The following DIP2B variants were observed in gnomAD, a reference collection of about 807,000 sequenced individuals.
The protein encoded by DIP2B is disco-interacting protein 2 homolog B.
DIP2B carries 76 observed loss-of-function variants against 198.0 expected under a neutral mutation model. That is an observed-to-expected ratio of 0.38 (90% CI 0.32 to 0.46). The LOEUF (loss-of-function observed/expected upper bound fraction) is 0.46, where lower values mean the gene tolerates loss of function less well. DIP2B is among the 20% of genes least tolerant of loss of function. The pLI is 0.99. For missense variants in DIP2B, 1,559 were observed against 1,978.4 expected (o/e 0.79, Z 4.02); for synonymous variants, 701 against 739.1 (o/e 0.95, Z 0.84).
At chr12:50,601,595 C>T (rs974644170) in intron 1 of DIP2B, among the ~76,000 whole-genome samples, 4 of 152,132 alleles carry the variant, frequency 2.6e-5, no homozygotes, top group South Asian at 2.1e-4. Flanking sequence ...ACCTCGGCCT[C>T]CCAAAGTACT....
chr12:50,744,920 G>T lies in DIP2B; in HGVS notation c.*81G>T, dbSNP rs561803173. ...CTCTGGCTAAGAGCAGGCTTCAAAC[G>T]ATGTGAAATAAGCTGAGATGGCTAC... On this transcript the variant is annotated 3_prime_UTR_variant, in exon 38 of 38. Coordinates refer to ENST00000301180, the MANE Select transcript of DIP2B (RefSeq NM_173602.3). 8.6e-6 allele frequency: 13 copies of T among 1,516,458 alleles called. 1 individual carries two copies. The South Asian group carries it at 1.6e-4, about 19-fold the overall frequency. The allele number at this position is 1,516,458 out of a possible 1,614,324, so 93.9% of individuals were successfully genotyped here.
Position 50,660,311 on chromosome 12 carries a change from C to T in DIP2B, c.419C>T (p.Thr140Ile), listed in dbSNP as rs1342874356. The T allele has an allele frequency of 4.4e-6, 7 of 1,608,014 alleles. No homozygotes were observed. Among genetic ancestry groups the T allele is most frequent in the Middle Eastern group, 1.7e-4 (1 of 6,052 alleles). Residue 140 changes from threonine to isoleucine, a missense_variant, in exon 4 of 38, where the codon ACA becomes ATA. Coordinates refer to ENST00000301180, the MANE Select transcript of DIP2B (RefSeq NM_173602.3). ...GTTCAGTCTCCTGCAGATGCCTGCA[C>T]ACCTCCTGGTAGGTTTATCAGAGCT... ...TFVQSPADAC[T>I]PPDTSSASED... is the part of the protein sequence containing the mutation.
intron 3 of DIP2B, among the ~76,000 whole-genome samples, chr12:50,641,761 G>T (rs1043331170): frequency 1.3e-5 from 2 of 152,106 alleles, no homozygotes; most frequent in African/African-American, 2.4e-5. Context: ...GCAGAGGAAC[G>T]ACTGGTAGAT....
intron 1 of DIP2B, among the ~76,000 whole-genome samples, chr12:50,524,667 C>A (rs907255850): frequency 6.6e-6 from 1 of 152,206 alleles, no homozygotes; most frequent in Non-Finnish European, 1.5e-5. Context: ...ATGACAAACA[C>A]CCCTCCCCTT....
rs571739855 is a variant in DIP2B at position 50,717,405 on chromosome 12, G to A, written c.2852-1304G>A. 1.3e-4 allele frequency among the ~76,000 whole-genome samples: 14 copies of A among 110,994 alleles called. No homozygotes were observed. The South Asian group carries it at 1.6e-3, about 13-fold the overall frequency. 72.8% of individuals were successfully genotyped at this position (110,994 alleles called of 152,430 possible). A position where few individuals can be genotyped will look rare whatever the true frequency, so the allele number is the denominator to read the frequency against. On this transcript the variant is annotated intron_variant, in intron 23 of 37. Transcript: ENST00000301180. The stretch of plus-strand genomic sequence containing the variant: ...TTTTGAGATGGAGTCTCGCACTGTC[G>A]CCCAGGCTGGAGTGCAGTGGCGCGA...
At chr12:50,692,804 T>A in intron 13 of DIP2B, 145 bp from the exon 14 acceptor site, 2 of 680,876 alleles carry the variant, frequency 2.9e-6, no homozygotes, top group Non-Finnish European at 5.0e-6. Context: ...ATCACTGCAC[T>A]CCAGCCTGGG....
intron 1 of DIP2B, among the ~76,000 whole-genome samples, chr12:50,551,979 A>C (rs940521801): frequency 3.9e-5 from 6 of 152,166 alleles, no homozygotes; most frequent in African/African-American, 1.4e-4. Flanking sequence ...TTTTTGAGGA[A>C]GTTCCCTACT....
Position 50,686,561 on chromosome 12 carries a change from G to A in DIP2B, c.1442-12G>A. ...CTTAGGCAATTCAATTTTCACTTTG[G>A]GTTTGATTTAGGTTGGCCCCGGCTC... is the stretch of plus-strand genomic sequence containing the variant. On this transcript the variant is annotated splice_polypyrimidine_tract_variant and intron_variant, in intron 11 of 37. Transcript: ENST00000301180. 2 of 1,613,072 alleles carry A rather than the reference G, an allele frequency of 1.2e-6. No homozygotes were observed. Among genetic ancestry groups the A allele is most frequent in the Non-Finnish European group, 1.7e-6 (2 of 1,179,512 alleles).
At chr12:50,713,424 G>A (rs1465395205) in intron 22 of DIP2B, among the ~76,000 whole-genome samples, 1 of 152,148 alleles carries the variant, frequency 6.6e-6, no homozygotes, top group Non-Finnish European at 1.5e-5. Flanking sequence ...TTTGTATTTT[G>A]TCAGTTAACA....
chr12:50,640,691 C>G (rs1359020230), intron 2 of DIP2B, 33 bp from the exon 3 acceptor site: 4 of 1,608,810 alleles, frequency 2.5e-6, no homozygotes, highest in Middle Eastern at 3.3e-4. Flanking sequence ...ATTACTGTTA[C>G]TGGATAACCA....
At chr12:50,690,235 C>T (rs4768904) in intron 12 of DIP2B, among the ~76,000 whole-genome samples, 45,347 of 151,858 alleles carry the variant, frequency 0.3, 6,991 homozygotes, top group East Asian at 0.43. Context: ...TACAGGCGCC[C>T]GCCACTACGC....
chr12:50,648,697 TC>T (rs35509357), intron 3 of DIP2B, among the ~76,000 whole-genome samples: 6,182 of 127,598 alleles, frequency 0.048, 175 homozygotes, highest in Non-Finnish European at 0.076. Flanking sequence ...GGGTTGTTCT[TC>T]CCCCCCCCCT....
In DIP2B at chr12:50,692,935, T is replaced by C; in HGVS notation, c.1655-14T>C. On this transcript the variant is annotated splice_polypyrimidine_tract_variant and intron_variant, in intron 13 of 37. Transcript: ENST00000301180. Reference sequence around the variant, plus strand: ...AAAGATGATTTCTTTGTCTTCCTATTTTTTCTATTTTAGGGGAAACAATAG... The same window carrying C: ...AAAGATGATTTCTTTGTCTTCCTATCTTTTCTATTTTAGGGGAAACAATAG... The C allele has an allele frequency of 6.2e-7, 1 of 1,603,924 alleles. No homozygotes were observed. Among genetic ancestry groups the C allele is most frequent in the Non-Finnish European group, 8.5e-7 (1 of 1,177,052 alleles).
At chr12:50,552,872 A>ATTTT (rs1342405458) in intron 1 of DIP2B, among the ~76,000 whole-genome samples, 2 of 151,392 alleles carry the variant, frequency 1.3e-5, no homozygotes, top group Non-Finnish European at 2.9e-5. Context: ...TTATTTATTT[A>ATTTT]TTTTTTCCCA....
chr12:50,553,221 T>A (rs1158676413), intron 1 of DIP2B, among the ~76,000 whole-genome samples: 1 of 152,254 alleles, frequency 6.6e-6, no homozygotes, highest in African/African-American at 2.4e-5. Context: ...AACCATTTGT[T>A]GAAGAGACTG....
intron 1 of DIP2B, among the ~76,000 whole-genome samples, chr12:50,619,461 C>G (rs994559613): frequency 2.6e-5 from 4 of 152,150 alleles, no homozygotes. Flanking sequence ...CAGACCCAAA[C>G]CAAATGTCGT....
At chr12:50,680,646 G>A in intron 8 of DIP2B, 26 bp from the exon 9 acceptor site, 1 of 1,600,928 alleles carries the variant, frequency 6.2e-7, no homozygotes, top group Non-Finnish European at 8.5e-7. Flanking sequence ...CTATATGACT[G>A]TTGTTTTTTT....
At chr12:50,671,901 A>G (rs1019554798) in intron 5 of DIP2B, among the ~76,000 whole-genome samples, 2 of 152,136 alleles carry the variant, frequency 1.3e-5, no homozygotes, top group African/African-American at 4.8e-5. Context: ...GGCCGAGGAT[A>G]TTGGTACTCT....
At chr12:50,731,265 A>G (rs1053624712) in intron 30 of DIP2B, 104 bp from the exon 31 acceptor site, 5 of 1,392,072 alleles carry the variant, frequency 3.6e-6, no homozygotes, top group Middle Eastern at 1.9e-4. Context: ...ATGTCCCTAC[A>G]CTGTCCTTTA....
Sources: gnomAD v4.1 joint callset for allele counts (sites outside exome capture counted in the v4.1 genomes callset) on GRCh38, gnomAD v4.1.1 for gene constraint, MANE v1.5 for transcripts, NCBI Gene and HGNC (gene_info 2026-07-23, HGNC 2026-07-21) for gene names.